DLG2: variants seen among roughly 807,000 people sequenced by gnomAD.
DLG2 encodes disks large homolog 2.
Under a neutral mutation model 132.5 loss-of-function variants are expected in DLG2, and 45 were observed. The ratio of observed to expected loss-of-function variants is 0.34; its 90% confidence interval spans 0.27 to 0.44. DLG2 has a LOEUF of 0.44. DLG2 is among the 20% of genes least tolerant of loss of function. DLG2 has a pLI of 1.00. For missense variants in DLG2, 1,045 were observed against 1,196.9 expected, an observed-to-expected ratio of 0.87 and a Z score of 1.87; for synonymous variants, 424 against 419.6, an observed-to-expected ratio of 1.01 and a Z score of -0.13.
chr11:83,853,237 G>C (rs2060045199), intron 16 of DLG2, among the ~76,000 whole-genome samples: 1 of 152,002 alleles, frequency 6.6e-6, no homozygotes, highest in African/African-American at 2.4e-5. Flanking sequence ...GCCAGCAGTT[G>C]GCTTCCTCTC....
In DLG2 at chr11:85,154,640, G is replaced by A; in HGVS notation, c.198C>T (p.Cys66=). The A allele has an allele frequency of 6.7e-7, 1 of 1,496,120 alleles. No individual in the cohort carries two copies. The highest frequency in any genetic ancestry group is 1.2e-5 in the South Asian group (1 of 80,104). 92.7% of individuals were successfully genotyped at this position (1,496,120 alleles called of 1,614,324 possible). A position where few individuals can be genotyped will look rare whatever the true frequency, so the allele number is the denominator to read the frequency against. The part of the protein sequence containing the change: ...RLQKSSELTD[C]SGSKENASCI... ...ATGAAGCATTTTCCTTTGATCCACT[G>A]CAATCTGTAAGCTAAAATAAAAGTT... Residue 66 remains cysteine (C), a synonymous_variant, in exon 5 of 28, where the codon TGC becomes TGT. Coordinates refer to ENST00000376104, the MANE Select transcript of DLG2 (RefSeq NM_001142699.3).
At chr11:83,464,861 A>G (rs190196353) in intron 26 of DLG2, among the ~76,000 whole-genome samples, 1 of 152,310 alleles carries the variant, frequency 6.6e-6, no homozygotes, top group Admixed American at 6.5e-5. Context: ...GGCCTTTAAG[A>G]TGGCTGTTCC....
Position 84,663,534 on chromosome 11 carries a change from A to G in DLG2, c.358-128803T>C, listed in dbSNP as rs541174237. On this transcript the variant is annotated intron_variant, in intron 6 of 27. Coordinates refer to ENST00000376104, the MANE Select transcript of DLG2 (RefSeq NM_001142699.3). Reference sequence around the variant, plus strand: ...ACAGCAAATATTTGTTGAAAAATGCATGAATGAATAGGGCAGGAACACAGG... The same window carrying G: ...ACAGCAAATATTTGTTGAAAAATGCGTGAATGAATAGGGCAGGAACACAGG... Among the ~76,000 whole-genome samples the G allele has an allele frequency of 1.3e-4, 20 of 152,278 alleles. No homozygotes were observed. In the East Asian group the frequency reaches 1.7e-3, roughly 13 times the overall value.
At chr11:84,440,085 GC>G (rs1348922038) in intron 7 of DLG2, among the ~76,000 whole-genome samples, 1 of 152,092 alleles carries the variant, frequency 6.6e-6, no homozygotes, top group African/African-American at 2.4e-5. Context: ...TACTGGTTTT[GC>G]CTTTATGTTG....
chr11:84,344,108 A>G (rs1340305694), intron 7 of DLG2, among the ~76,000 whole-genome samples: 1 of 152,200 alleles, frequency 6.6e-6, no homozygotes, highest in East Asian at 1.9e-4. Flanking sequence ...AGAATGAAGA[A>G]ATAAAGACAA....
At chr11:85,603,728 C>T (rs2080324725) in intron 2 of DLG2, among the ~76,000 whole-genome samples, 1 of 152,002 alleles carries the variant, frequency 6.6e-6, no homozygotes, top group Non-Finnish European at 1.5e-5. Flanking sequence ...CCAGCCTGGG[C>T]AACAGAGCAA....
chr11:84,519,284 G>A (rs756168735), intron 7 of DLG2, among the ~76,000 whole-genome samples: 1 of 152,142 alleles, frequency 6.6e-6, no homozygotes, highest in African/African-American at 2.4e-5. Flanking sequence ...GAAACTCCCT[G>A]TGATAGAATT....
In DLG2 at chr11:85,578,089, C is replaced by T. The variant is rs576024076; in HGVS notation, c.40+20568G>A. Among the ~76,000 whole-genome samples, 7 of 152,164 alleles carry T rather than the reference C, an allele frequency of 4.6e-5. No individual in the cohort carries two copies. The East Asian group carries it at 1.4e-3, about 29-fold the overall frequency. Reference sequence around the variant, plus strand: ...TAGAGAACCCAGCAATAAGAGCACACACCTACCACAATCTGATCTTCGACA... The same window carrying T: ...TAGAGAACCCAGCAATAAGAGCACATACCTACCACAATCTGATCTTCGACA... On this transcript the variant is annotated intron_variant, in intron 3 of 27. Coordinates refer to ENST00000376104, the MANE Select transcript of DLG2 (RefSeq NM_001142699.3).
At chr11:84,413,272 C>G (rs2098916231) in intron 7 of DLG2, among the ~76,000 whole-genome samples, 3 of 152,150 alleles carry the variant, frequency 2.0e-5, no homozygotes, top group African/African-American at 7.2e-5. Context: ...CCACCTGAAT[C>G]TGCTGATATG....
At position 83,613,758 on chromosome 11, in the gene DLG2, A is replaced by AT. The variant is rs1262533250; in HGVS notation, c.1940+19452dup. Among the ~76,000 whole-genome samples, 4 of 152,294 alleles carry AT rather than the reference A, an allele frequency of 2.6e-5. No homozygotes were observed. The East Asian group carries it at 5.8e-4, about 22-fold the overall frequency. On this transcript the variant is annotated intron_variant, in intron 19 of 27. Transcript: ENST00000376104. ...AACATGAGCTGAGGAAGTAAAGGTA[A>AT]TTTTTTTAAAAAGAAAAGAAACCAA... is the stretch of plus-strand genomic sequence containing the variant.
chr11:84,556,483 T>A (rs2099412189), intron 6 of DLG2, among the ~76,000 whole-genome samples: 1 of 152,212 alleles, frequency 6.6e-6, no homozygotes, highest in Non-Finnish European at 1.5e-5. Flanking sequence ...AGAAGAATTG[T>A]CTTGGGCCAC....
At chr11:84,807,939 T>C (rs1326611455) in intron 6 of DLG2, among the ~76,000 whole-genome samples, 1 of 152,096 alleles carries the variant, frequency 6.6e-6, no homozygotes, top group Non-Finnish European at 1.5e-5. Context: ...ATTCACAAAA[T>C]ACCTACGCCA....
intron 17 of DLG2, among the ~76,000 whole-genome samples, chr11:83,828,783 C>A (rs918340726): frequency 5.3e-5 from 8 of 152,084 alleles, no homozygotes; most frequent in Non-Finnish European, 1.2e-4. Context: ...ATAGTAATAG[C>A]AACACTTATT....
chr11:84,940,993 C>T (rs1469848015), intron 6 of DLG2, among the ~76,000 whole-genome samples: 5 of 152,110 alleles, frequency 3.3e-5, no homozygotes, highest in African/African-American at 1.2e-4. Flanking sequence ...TGTCCTTTCC[C>T]CAATGTATGT....
At chr11:84,635,522 A>C (rs535564717) in intron 6 of DLG2, among the ~76,000 whole-genome samples, 4 of 152,220 alleles carry the variant, frequency 2.6e-5, no homozygotes, top group African/African-American at 7.2e-5. Context: ...TATTTGAACT[A>C]TAAAAATACA....
At chr11:83,889,543 G>C (rs1438980456) in intron 15 of DLG2, among the ~76,000 whole-genome samples, 3 of 152,336 alleles carry the variant, frequency 2.0e-5, no homozygotes, top group Admixed American at 1.3e-4. Flanking sequence ...GTGGAAGTCA[G>C]TGTGGTGATT....
intron 7 of DLG2, among the ~76,000 whole-genome samples, chr11:84,301,891 A>G (rs1303615548): frequency 6.6e-6 from 1 of 152,152 alleles, no homozygotes; most frequent in Non-Finnish European, 1.5e-5. Context: ...ATAAAGATAC[A>G]TGTACACATA....
intron 6 of DLG2, among the ~76,000 whole-genome samples, chr11:84,733,327 G>C (rs558009224): frequency 1.3e-5 from 2 of 152,100 alleles, no homozygotes; most frequent in South Asian, 4.1e-4. Context: ...TTTAATGATC[G>C]CCATTCTAAC....
At chr11:85,165,906 C>G (rs1254021784) in intron 4 of DLG2, among the ~76,000 whole-genome samples, 2 of 152,160 alleles carry the variant, frequency 1.3e-5, no homozygotes, top group Non-Finnish European at 2.9e-5. Flanking sequence ...CTAGTCCTCA[C>G]TGTCTTCCTA....
Sources: allele counts gnomAD v4.1 joint callset (sites outside exome capture counted in the v4.1 genomes callset), GRCh38; gene constraint gnomAD v4.1.1; transcripts MANE v1.5; gene names NCBI Gene and HGNC (gene_info 2026-07-23, HGNC 2026-07-21).